TTC12: variants seen among roughly 807,000 people sequenced by gnomAD.
TTC12 encodes tetratricopeptide repeat domain 12.
TTC12 carries 70 observed loss-of-function variants against 90.1 expected under a neutral mutation model. That is an observed-to-expected ratio of 0.78 (90% CI 0.64 to 0.95). TTC12 has a LOEUF of 0.95. Ranked by LOEUF, TTC12 falls within the 40% of genes least tolerant of loss-of-function variation. The pLI, the probability that TTC12 is intolerant of heterozygous loss-of-function variation, is 0.00. For missense variants in TTC12, 819 were observed against 846.1 expected (o/e 0.97, Z 0.40); for synonymous variants, 296 against 311.5 (o/e 0.95, Z 0.53).
At chr11:113,373,278 A>G (rs1417274231) in exon 22 of TTC12, 35 of 944,022 alleles carry the variant, frequency 3.7e-5, no homozygotes, top group Non-Finnish European at 4.4e-5. Context: ...TCATAACATA[A>G]TGACTTCATT....
chr11:113,330,349 G>GT (rs1318004080), intron 7 of TTC12, among the ~76,000 whole-genome samples: 2 of 152,076 alleles, frequency 1.3e-5, no homozygotes, highest in Non-Finnish European at 2.9e-5. Context: ...GTCAGTTTGT[G>GT]TTTTTTCCCT....
downstream of TTC12, chr11:113,368,157 C>G: frequency 1.5e-6 from 2 of 1,371,064 alleles, no homozygotes; most frequent in Non-Finnish European, 1.9e-6. Context: ...TGGGGAATGT[C>G]AAATTACGTT....
At chr11:113,349,347 T>C (rs1949141363) in intron 13 of TTC12, among the ~76,000 whole-genome samples, 1 of 152,226 alleles carries the variant, frequency 6.6e-6, no homozygotes, top group Non-Finnish European at 1.5e-5. Context: ...CACAGTATAC[T>C]TAGCACCTTA....
intron 13 of TTC12, among the ~76,000 whole-genome samples, chr11:113,348,680 G>A (rs17115389): frequency 0.033 from 4,971 of 152,240 alleles, 271 homozygotes; most frequent in African/African-American, 0.11. Context: ...TAATGGCTAG[G>A]AATCACATGA....
chr11:113,338,762 T>G lies in TTC12; in HGVS notation c.577-12T>G, dbSNP rs1395061533. Reference sequence around the variant, plus strand: ...CCCAACCACTCTTCAAGGTCTTGTTTCTTTTTTCCAGTCTAGAGAGTGTTA... The same window carrying G: ...CCCAACCACTCTTCAAGGTCTTGTTGCTTTTTTCCAGTCTAGAGAGTGTTA... On this transcript the variant is annotated splice_polypyrimidine_tract_variant and intron_variant, in intron 8 of 21. Coordinates refer to ENST00000529221, the MANE Select transcript of TTC12 (RefSeq NM_017868.4). 10 of 1,611,894 alleles carry G rather than the reference T, an allele frequency of 6.2e-6. No homozygotes were observed. Among genetic ancestry groups the G allele is most frequent in the Non-Finnish European group, 6.8e-6 (8 of 1,178,194 alleles).
Position 113,359,926 on chromosome 11 carries a change from C to A in TTC12, c.1546-14C>A. On this transcript the variant is annotated splice_polypyrimidine_tract_variant and intron_variant, in intron 17 of 21. Coordinates refer to ENST00000529221, the MANE Select transcript of TTC12 (RefSeq NM_017868.4). Reference sequence around the variant, plus strand: ...AAATTAAAATCTCCTGCTGGCCTCTCCCCATTGTTGTAGGTTTGGGCTGTG... The same window carrying A: ...AAATTAAAATCTCCTGCTGGCCTCTACCCATTGTTGTAGGTTTGGGCTGTG... 2 of 1,585,112 alleles carry A rather than the reference C, an allele frequency of 1.3e-6. No individual in the cohort carries two copies. Among genetic ancestry groups the A allele is most frequent in the Non-Finnish European group, 1.7e-6 (2 of 1,164,882 alleles).
At position 113,329,516 on chromosome 11, in the gene TTC12, T is replaced by A. The variant is rs143761004; in HGVS notation, c.445-404T>A. 7.8e-3 allele frequency: 3,499 copies of A among 448,968 alleles called. 22 individuals are homozygous for A. Among genetic ancestry groups the A allele is most frequent in the Middle Eastern group, 0.022 (67 of 3,008 alleles). 27.8% of individuals were successfully genotyped at this position (448,968 alleles called of 1,614,324 possible). A position where few individuals can be genotyped will look rare whatever the true frequency, so the allele number is the denominator to read the frequency against. ...GAGAAGGAAGGAGGAAAAGTGAGAT[T>A]GGGGTATTTATTCTCCTGGCCTTCG... On this transcript the variant is annotated intron_variant, in intron 6 of 21. Coordinates refer to ENST00000529221, the MANE Select transcript of TTC12 (RefSeq NM_017868.4).
chr11:113,338,883 G>GC lies in TTC12; in HGVS notation c.637+54dup, dbSNP rs782271400. ...CTTCATCTGAACTCCACCTCCCTCT[G>GC]CCCCCTGCCTTAGAATGCCTTCCGT... On this transcript the variant is annotated intron_variant, in intron 9 of 21. Transcript: ENST00000529221. 3.9e-6 allele frequency: 6 copies of GC among 1,547,874 alleles called. No individual in the cohort carries two copies. The South Asian group carries it at 6.7e-5, about 17-fold the overall frequency.
At chr11:113,341,295 A>G (rs556923965) in intron 11 of TTC12, among the ~76,000 whole-genome samples, 1 of 152,348 alleles carries the variant, frequency 6.6e-6, no homozygotes, top group East Asian at 1.9e-4. Flanking sequence ...AAGCTCTTCA[A>G]AGTCAGAGAA....
At position 113,324,666 on chromosome 11, in the gene TTC12, CAA is replaced by C; in HGVS notation, c.308_309del (p.Lys103SerfsTer12). 1 of 1,613,816 alleles carries C rather than the reference CAA, an allele frequency of 6.2e-7. No individual in the cohort carries two copies. Among genetic ancestry groups the C allele is most frequent in the Non-Finnish European group, 8.5e-7 (1 of 1,179,880 alleles). On this transcript the variant is annotated frameshift_variant, in exon 5 of 22. Transcript: ENST00000529221. LOFTEE classifies it high-confidence loss of function. ...AACGAGCCAAGAGAAGAAGGGAAAA[CAA>C]AGTCTTGGCGGATGGTAATTGTCAG... ...KERAKRRREN[K>X]VLADALKEKG...
chr11:113,337,727 A>T (rs1377078839), intron 8 of TTC12, among the ~76,000 whole-genome samples: 1 of 152,182 alleles, frequency 6.6e-6, no homozygotes, highest in African/African-American at 2.4e-5. Context: ...TGCCATGCCG[A>T]GCATGTGTTT....
At chr11:113,343,906 A>G (rs970767083) in intron 12 of TTC12, among the ~76,000 whole-genome samples, 2 of 152,152 alleles carry the variant, frequency 1.3e-5, no homozygotes, top group African/African-American at 2.4e-5. Context: ...TCCCTTTGCT[A>G]GTGTTTCCAG....
intron 16 of TTC12, among the ~76,000 whole-genome samples, chr11:113,356,376 C>T (rs1023406740): frequency 5.3e-5 from 8 of 152,144 alleles, no homozygotes; most frequent in Non-Finnish European, 8.8e-5. Context: ...ACCAGTGGAT[C>T]GTGGTTCTTT....
chr11:113,366,171 A>G (rs370789640), intron 21 of TTC12, 54 bp from the exon 22 acceptor site: 1 of 1,599,222 alleles, frequency 6.3e-7, no homozygotes, highest in Non-Finnish European at 8.5e-7. Context: ...TCTGGGCTCC[A>G]GAAGCCTGAA....
At chr11:113,370,513 T>C (rs1950353455), downstream of TTC12, among the ~76,000 whole-genome samples, 1 of 152,184 alleles carries the variant, frequency 6.6e-6, no homozygotes, top group South Asian at 2.1e-4. Flanking sequence ...GATGACTTAT[T>C]TCCTTTTAAT....
chr11:113,340,647 C>A lies in TTC12; in HGVS notation c.827-17C>A, dbSNP rs781993796. 1 of 1,611,206 alleles carries A rather than the reference C, an allele frequency of 6.2e-7. No individual in the cohort carries two copies. Among genetic ancestry groups the A allele is most frequent in the South Asian group, 1.1e-5 (1 of 90,980 alleles). On this transcript the variant is annotated splice_polypyrimidine_tract_variant and intron_variant, in intron 10 of 21. Coordinates refer to ENST00000529221, the MANE Select transcript of TTC12 (RefSeq NM_017868.4). The stretch of plus-strand genomic sequence containing the variant: ...CAGTTTGGGAGTCTGAAGTGGTTTT[C>A]TTTGTATCTGTTTCAGGCACAGAAC...
At chr11:113,332,261 C>G (rs1433759867) in intron 7 of TTC12, among the ~76,000 whole-genome samples, 9 of 152,156 alleles carry the variant, frequency 5.9e-5, no homozygotes, top group African/African-American at 2.2e-4. Context: ...AGAAAATTCT[C>G]GTGAGGGTCG....
intron 7 of TTC12, among the ~76,000 whole-genome samples, chr11:113,334,345 G>A (rs1555143375): frequency 1.3e-5 from 2 of 152,122 alleles, no homozygotes; most frequent in African/African-American, 4.8e-5. Context: ...TCAGCCATAA[G>A]TTTCAATCCT....
intron 7 of TTC12, among the ~76,000 whole-genome samples, chr11:113,330,503 T>C (rs1464532633): frequency 1.3e-5 from 2 of 151,722 alleles, no homozygotes; most frequent in Non-Finnish European, 3.0e-5. Context: ...TCTGCCAAAA[T>C]AGATGGTCAA....
Sources: allele counts gnomAD v4.1 joint callset (sites outside exome capture counted in the v4.1 genomes callset), GRCh38; gene constraint gnomAD v4.1.1; transcripts MANE v1.5; gene names NCBI Gene and HGNC (gene_info 2026-07-23, HGNC 2026-07-21).